The following IL1RAPL1 variants were observed in gnomAD, a reference collection of about 807,000 sequenced individuals.
IL1RAPL1 encodes the protein interleukin-1 receptor accessory protein-like 1.
Under a neutral mutation model 48.4 loss-of-function variants are expected in IL1RAPL1, and 3 were observed. The observed-to-expected ratio is 0.06, with a 90% confidence interval of 0.03 to 0.16. The LOEUF is 0.16. IL1RAPL1 is among the 10% of genes least tolerant of loss of function. The pLI, the probability that IL1RAPL1 is intolerant of heterozygous loss-of-function variation, is 1.00. For missense variants in IL1RAPL1, 349 were observed against 530.6 expected (o/e 0.66, Z 3.36); for synonymous variants, 185 against 187.7 (o/e 0.99, Z 0.12).
intron 6 of IL1RAPL1, among the ~76,000 whole-genome samples, chrX:29,772,852 T>C (rs12835067): frequency 0.11 from 11,839 of 110,920 alleles, 590 homozygotes; most frequent in East Asian, 0.29. Context: ...TGTGGAGCCC[T>C]GTGGTTCATT....
chrX:29,619,035 C>G (rs909638907), intron 5 of IL1RAPL1, among the ~76,000 whole-genome samples: 8 of 111,823 alleles, frequency 7.2e-5, no homozygotes, highest in African/African-American at 2.6e-4. Flanking sequence ...GTTTGACATA[C>G]AAAATGGTCA....
intron 2 of IL1RAPL1, among the ~76,000 whole-genome samples, chrX:29,084,688 C>T (rs1184576439): frequency 2.7e-5 from 3 of 112,014 alleles, no homozygotes; most frequent in Non-Finnish European, 3.8e-5. Context: ...AAAAAAAGTA[C>T]GTGATCATTT....
chrX:29,918,619 A>G (rs1932822908), intron 7 of IL1RAPL1, among the ~76,000 whole-genome samples: 1 of 111,355 alleles, frequency 9.0e-6, no homozygotes, highest in Admixed American at 9.6e-5. Flanking sequence ...TGAGCCACCA[A>G]GTGGAATATA....
At chrX:29,456,774 CTATT>C (rs1934743687) in intron 5 of IL1RAPL1, among the ~76,000 whole-genome samples, 1 of 111,302 alleles carries the variant, frequency 9.0e-6, no homozygotes. Context: ...ATTTATATCA[CTATT>C]TACATAAGAT....
chrX:28,656,828 C>T (rs1395538635), intron 1 of IL1RAPL1, among the ~76,000 whole-genome samples: 1 of 109,815 alleles, frequency 9.1e-6, no homozygotes, highest in Non-Finnish European at 1.9e-5. Flanking sequence ...AGATCAAGAC[C>T]ATCCTGGCTA....
rs184824564 is a variant in IL1RAPL1 at position 28,774,144 on chromosome X, G to A, written c.-24-15176G>A. Among the ~76,000 whole-genome samples, 4 of 111,411 alleles carry A rather than the reference G, an allele frequency of 3.6e-5. No individual in the cohort carries two copies. In the East Asian group the frequency reaches 1.1e-3, roughly 32 times the overall value. On this transcript the variant is annotated intron_variant, in intron 1 of 10. Coordinates refer to ENST00000378993, the MANE Select transcript of IL1RAPL1 (RefSeq NM_014271.4). The stretch of plus-strand genomic sequence containing the variant: ...TTGTAGTTCAAGACCTCAATCCTGA[G>A]CCCTCCCTTATATTTTTCCCTCTTT...
chrX:28,739,813 G>A (rs1935886344), intron 1 of IL1RAPL1, among the ~76,000 whole-genome samples: 1 of 110,844 alleles, frequency 9.0e-6, no homozygotes, highest in Admixed American at 9.7e-5. Context: ...TCCTTTCCAA[G>A]GCTTTTATGA....
At chrX:29,622,935 C>T (rs1323614443) in intron 5 of IL1RAPL1, among the ~76,000 whole-genome samples, 1 of 109,914 alleles carries the variant, frequency 9.1e-6, no homozygotes. Flanking sequence ...AGTATATAAG[C>T]ATATTCATAA....
intron 3 of IL1RAPL1, among the ~76,000 whole-genome samples, chrX:29,336,269 C>CATATATAT (rs57126796): frequency 0.046 from 2,640 of 57,411 alleles, 215 homozygotes; most frequent in South Asian, 0.21. Context: ...ATATATATGC[C>CATATATAT]ATATATATAT....
chrX:29,803,467 A>ATATGTATACATC (rs1930155915), intron 6 of IL1RAPL1, among the ~76,000 whole-genome samples: 1 of 98,129 alleles, frequency 1.0e-5, no homozygotes, highest in Non-Finnish European at 2.0e-5. Flanking sequence ...ATATATGTAT[A>ATATGTATACATC]TATGTATACA....
chrX:29,556,829 T>G (rs2147790409), intron 5 of IL1RAPL1, among the ~76,000 whole-genome samples: 1 of 111,830 alleles, frequency 8.9e-6, no homozygotes, highest in Admixed American at 9.5e-5. Flanking sequence ...CTCAGAATTC[T>G]TTAAATTAGT....
chrX:29,890,802 C>A (rs1390897584), intron 6 of IL1RAPL1, among the ~76,000 whole-genome samples: 1 of 111,973 alleles, frequency 8.9e-6, no homozygotes, highest in Non-Finnish European at 1.9e-5. Context: ...GGTCTTCAAA[C>A]CCACACAGTT....
At chrX:29,308,066 G>A (rs770519884) in intron 3 of IL1RAPL1, among the ~76,000 whole-genome samples, 24 of 112,027 alleles carry the variant, frequency 2.1e-4, no homozygotes, top group Middle Eastern at 4.6e-3. Flanking sequence ...ACAGAAAACC[G>A]AGATCAAAGA....
At chrX:28,796,298 C>T (rs1936610268) in intron 2 of IL1RAPL1, among the ~76,000 whole-genome samples, 1 of 111,649 alleles carries the variant, frequency 9.0e-6, no homozygotes, top group Non-Finnish European at 1.9e-5. Flanking sequence ...CAAAACCAGT[C>T]ATGCCATCAC....
chrX:29,047,552 A>G (rs1007160759), intron 2 of IL1RAPL1, among the ~76,000 whole-genome samples: 1 of 111,920 alleles, frequency 8.9e-6, no homozygotes, highest in African/African-American at 3.3e-5. Context: ...AATGGCAAAG[A>G]CATCTGTTGC....
chrX:29,498,611 T>C (rs1935240126), intron 5 of IL1RAPL1, among the ~76,000 whole-genome samples: 1 of 111,624 alleles, frequency 9.0e-6, no homozygotes, highest in African/African-American at 3.3e-5. Flanking sequence ...CTCTTTAGTT[T>C]TCATCATTTA....
chrX:29,869,871 T>C (rs773953770), intron 6 of IL1RAPL1, among the ~76,000 whole-genome samples: 2 of 108,826 alleles, frequency 1.8e-5, no homozygotes, highest in East Asian at 5.9e-4. Flanking sequence ...AGCAGAAGAG[T>C]TGGAGCATCA....
intron 5 of IL1RAPL1, among the ~76,000 whole-genome samples, chrX:29,422,258 G>A (rs747396642): frequency 9.0e-6 from 1 of 111,719 alleles, no homozygotes; most frequent in Non-Finnish European, 1.9e-5. Context: ...TTTTTGGTGA[G>A]TTTGGACTTT....
chrX:29,453,206 A>G (rs1360884005), intron 5 of IL1RAPL1, among the ~76,000 whole-genome samples: 5 of 110,398 alleles, frequency 4.5e-5, no homozygotes, highest in African/African-American at 1.6e-4. Flanking sequence ...TTTGTTTCTC[A>G]CATAATGAGA....
Sources: allele counts gnomAD v4.1 joint callset (sites outside exome capture counted in the v4.1 genomes callset), GRCh38; gene constraint gnomAD v4.1.1; transcripts MANE v1.5; gene names NCBI Gene and HGNC (gene_info 2026-07-23, HGNC 2026-07-21).